TRPC4: variants seen among roughly 807,000 people sequenced by gnomAD.
TRPC4 encodes the protein transient receptor potential cation channel subfamily C member 4.
In TRPC4, 49 loss-of-function variants were observed where a neutral mutation model predicts 99.4. The observed-to-expected ratio is 0.49, with a 90% confidence interval of 0.39 to 0.63. The LOEUF (loss-of-function observed/expected upper bound fraction) is 0.63, where lower values mean the gene tolerates loss of function less well. TRPC4 is among the 20% of genes least tolerant of loss of function. The pLI is 0.00. For missense variants in TRPC4, 898 were observed against 1,152.9 expected (o/e 0.78, Z 3.20); for synonymous variants, 454 against 425.9 (o/e 1.07, Z -0.81).
chr13:37,636,804 T>C lies in TRPC4; in HGVS notation c.*99A>G. The C allele has an allele frequency of 2.1e-6, 3 of 1,456,562 alleles. No individual in the cohort carries two copies. Among genetic ancestry groups the C allele is most frequent in the Non-Finnish European group, 2.8e-6 (3 of 1,089,320 alleles). The allele number at this position is 1,456,562 out of a possible 1,614,324, so 90.2% of individuals were successfully genotyped here. ...GCCACAGCTGATAAACGCTATAAAG[T>C]GTAAGTTAGCATTTGCTAATACAAT... On this transcript the variant is annotated 3_prime_UTR_variant, in exon 11 of 11. Transcript: ENST00000379705.
chr13:37,852,993 G>T (rs1325312244), intron 1 of TRPC4, among the ~76,000 whole-genome samples: 1 of 152,124 alleles, frequency 6.6e-6, no homozygotes, highest in Non-Finnish European at 1.5e-5. Context: ...TCTAATCCCT[G>T]ACTTTCAGAA....
intron 3 of TRPC4, among the ~76,000 whole-genome samples, chr13:37,717,858 A>G (rs1954733020): frequency 6.6e-6 from 1 of 152,164 alleles, no homozygotes; most frequent in Non-Finnish European, 1.5e-5. Context: ...CTTTGAAGAA[A>G]ACACAATGAA....
chr13:37,679,547 CTATT>C (rs1035677081), intron 4 of TRPC4, among the ~76,000 whole-genome samples: 2 of 151,992 alleles, frequency 1.3e-5, no homozygotes, highest in East Asian at 1.9e-4. Flanking sequence ...TAAACAATGA[CTATT>C]TAAAATTATT....
rs543814309 is a variant in TRPC4, at chr13:37,826,889, C to T, written c.-28+42706G>A. ...GTGTTTTCCAACTTGGTTCCATTCT[C>T]TCCACCACTTTCAGGTACACCAATC... On this transcript the variant is annotated intron_variant, in intron 1 of 10. Transcript: ENST00000379705. Among the ~76,000 whole-genome samples, 917 of 152,236 alleles carry T rather than the reference C, an allele frequency of 6.0e-3. 3 individuals carry two copies. The highest frequency in any genetic ancestry group is 0.024 in the Middle Eastern group (7 of 294).
At chr13:37,868,688 T>C (rs1566237738) in intron 1 of TRPC4, among the ~76,000 whole-genome samples, 1 of 152,146 alleles carries the variant, frequency 6.6e-6, no homozygotes, top group Admixed American at 6.6e-5. Flanking sequence ...CCTACTCCTT[T>C]GGCTTGGTGC....
At chr13:37,708,605 A>G (rs1390328808) in intron 3 of TRPC4, among the ~76,000 whole-genome samples, 1 of 151,484 alleles carries the variant, frequency 6.6e-6, no homozygotes, top group African/African-American at 2.4e-5. Flanking sequence ...GAATGTTTTC[A>G]TATCTACCCT....
At chr13:37,786,985 T>G (rs1278292931) in intron 1 of TRPC4, among the ~76,000 whole-genome samples, 2 of 152,032 alleles carry the variant, frequency 1.3e-5, no homozygotes, top group African/African-American at 4.8e-5. Flanking sequence ...AAATCGTCAC[T>G]AAGTATGAAA....
chr13:37,637,138 GGAATGCTCAGGTCACCCCGT>G lies in TRPC4; in HGVS notation c.2679_2698del (p.Gly895SerfsTer3). ...TAACACACATTGTTCACTGAGACCG[GGAATGCTCAGGTCACCCCGT>G]GAAGCTAATCCTCGAGATTCCAGTT... is the stretch of plus-strand genomic sequence containing the variant. On this transcript the variant is annotated frameshift_variant, in exon 11 of 11. Coordinates refer to ENST00000379705, the MANE Select transcript of TRPC4 (RefSeq NM_016179.4). LOFTEE classifies it high-confidence loss of function. 1 of 1,613,724 alleles carries G rather than the reference GGAATGCTCAGGTCACCCCGT, an allele frequency of 6.2e-7. No homozygotes were observed. Among genetic ancestry groups the G allele is most frequent in the Non-Finnish European group, 8.5e-7 (1 of 1,179,822 alleles).
intron 4 of TRPC4, among the ~76,000 whole-genome samples, chr13:37,684,498 G>A (rs1953387771): frequency 6.6e-6 from 1 of 152,054 alleles, no homozygotes; most frequent in South Asian, 2.1e-4. Context: ...CATTTTATCA[G>A]TGTAGGAGCA....
At chr13:37,713,139 G>C (rs1031910223) in intron 3 of TRPC4, among the ~76,000 whole-genome samples, 16 of 152,136 alleles carry the variant, frequency 1.1e-4, no homozygotes, top group African/African-American at 3.9e-4. Context: ...CACAAAACTA[G>C]CAGCAGAAGC....
chr13:37,831,876 T>G (rs952320897), intron 1 of TRPC4, among the ~76,000 whole-genome samples: 2 of 151,936 alleles, frequency 1.3e-5, no homozygotes, highest in African/African-American at 4.8e-5. Context: ...GTTACCAGAG[T>G]CTGGCAGGAG....
At chr13:37,741,546 A>G (rs1382095227) in intron 3 of TRPC4, among the ~76,000 whole-genome samples, 1 of 152,192 alleles carries the variant, frequency 6.6e-6, no homozygotes, top group East Asian at 1.9e-4. Flanking sequence ...GTCCCATCGC[A>G]GAATGGTACT....
Position 37,655,632 on chromosome 13 carries a change from T to C in TRPC4, c.1689-349A>G, listed in dbSNP as rs188814583. 2.6e-5 allele frequency among the ~76,000 whole-genome samples: 4 copies of C among 152,106 alleles called. No individual in the cohort carries two copies. In the East Asian group the frequency reaches 7.7e-4, roughly 29 times the overall value. On this transcript the variant is annotated intron_variant, in intron 6 of 10. Transcript: ENST00000379705. Reference sequence around the variant, plus strand: ...TGGGAAAAAAATCAAAAGAGTGATATTTTATGACATGAAAATTATGTAAAA... The same window carrying C: ...TGGGAAAAAAATCAAAAGAGTGATACTTTATGACATGAAAATTATGTAAAA...
intron 3 of TRPC4, among the ~76,000 whole-genome samples, chr13:37,733,825 C>T (rs140334930): frequency 1.9e-4 from 29 of 151,748 alleles, no homozygotes; most frequent in South Asian, 4.2e-4. Context: ...GGGTGGAGGA[C>T]GATAGACAAT....
chr13:37,823,415 G>T (rs199560680), intron 1 of TRPC4, among the ~76,000 whole-genome samples: 20,706 of 117,474 alleles, frequency 0.18, 1,782 homozygotes, highest in East Asian at 0.28. Context: ...GTCTAACGTT[G>T]AAGTCTTTAA....
At position 37,806,556 on chromosome 13, in the gene TRPC4, T is replaced by C. The variant is rs141537691; in HGVS notation, c.-27-23196A>G. On this transcript the variant is annotated intron_variant, in intron 1 of 10. Transcript: ENST00000379705. ...GCCCAGAAATACAGTTGCAACCATA[T>C]ATGCTGGGCATGTAGAACTCAAATA... Among the ~76,000 whole-genome samples the C allele has an allele frequency of 4.0e-3, 607 of 152,134 alleles. 6 individuals carry two copies. The highest frequency in any genetic ancestry group is 0.014 in the African/African-American group (587 of 41,538).
At chr13:37,727,859 T>C (rs1275758688) in intron 3 of TRPC4, among the ~76,000 whole-genome samples, 1 of 152,074 alleles carries the variant, frequency 6.6e-6, no homozygotes, top group African/African-American at 2.4e-5. Flanking sequence ...TCAAATGGCA[T>C]TTATTTTTGG....
chr13:37,823,593 G>A (rs1195814691), intron 1 of TRPC4, among the ~76,000 whole-genome samples: 6 of 151,800 alleles, frequency 4.0e-5, no homozygotes, highest in East Asian at 3.9e-4. Flanking sequence ...GATATGTGGC[G>A]TTATTTCTGA....
At chr13:37,689,953 G>C (rs1205913170) in intron 4 of TRPC4, among the ~76,000 whole-genome samples, 1 of 152,182 alleles carries the variant, frequency 6.6e-6, no homozygotes, top group Non-Finnish European at 1.5e-5. Flanking sequence ...GAAAGTATTT[G>C]ACACATTTTC....
Sources: allele counts gnomAD v4.1 joint callset (sites outside exome capture counted in the v4.1 genomes callset), GRCh38; gene constraint gnomAD v4.1.1; transcripts MANE v1.5; gene names NCBI Gene and HGNC (gene_info 2026-07-23, HGNC 2026-07-21).